The following RAB11FIP5 variants were observed in gnomAD, a reference collection of about 807,000 sequenced individuals.
RAB11FIP5 encodes the protein rab11 family-interacting protein 5.
RAB11FIP5 carries 48 observed loss-of-function variants against 85.1 expected under a neutral mutation model. The observed-to-expected ratio is 0.56, with a 90% CI of 0.45 to 0.72. The LOEUF (loss-of-function observed/expected upper bound fraction) is 0.72, where lower values mean the gene tolerates loss of function less well. Ranked by LOEUF, RAB11FIP5 falls within the 30% of genes least tolerant of loss-of-function variation. The probability of loss-of-function intolerance (pLI) is 0.00; values close to 1 mark genes in which losing one functional copy is unlikely to be tolerated. For missense variants in RAB11FIP5, 1,491 were observed against 1,687.0 expected, an observed-to-expected ratio of 0.88 and a Z score of 2.04; for synonymous variants, 729 against 727.3, an observed-to-expected ratio of 1.00 and a Z score of -0.04.
intron 1 of RAB11FIP5, among the ~76,000 whole-genome samples, chr2:73,103,826 C>T (rs1430351): frequency 0.32 from 47,958 of 152,000 alleles, 8,971 homozygotes; most frequent in East Asian, 0.56. Flanking sequence ...GGAGAGAACC[C>T]GCAAGATGAC....
chr2:73,104,922 C>G (rs1684494817), intron 1 of RAB11FIP5, among the ~76,000 whole-genome samples: 1 of 152,182 alleles, frequency 6.6e-6, no homozygotes, highest in African/African-American at 2.4e-5. Flanking sequence ...GGAGAAAGGG[C>G]TATCCACTTT....
At chr2:73,111,157 C>G (rs1216523539) in intron 1 of RAB11FIP5, among the ~76,000 whole-genome samples, 1 of 152,062 alleles carries the variant, frequency 6.6e-6, no homozygotes, top group Non-Finnish European at 1.5e-5. Flanking sequence ...TGCACTAACG[C>G]CCTCCCCATC....
chr2:73,112,209 CA>C lies in RAB11FIP5; in HGVS notation c.431+137del. Reference sequence around the variant, plus strand: ...AAGACGACCCCGAAATGCGAAGAACCAACGTTTCTGTCGGTTTACGCCCTTA... The same window carrying C: ...AAGACGACCCCGAAATGCGAAGAACCACGTTTCTGTCGGTTTACGCCCTTA... On this transcript the variant is annotated intron_variant, in intron 1 of 5. Coordinates refer to ENST00000486777, the MANE Select transcript of RAB11FIP5 (RefSeq NM_001371272.1). The C allele has an allele frequency of 3.8e-6, 4 of 1,065,732 alleles. No individual in the cohort carries two copies. The South Asian group carries it at 7.7e-5, about 20-fold the overall frequency. 66.0% of individuals were successfully genotyped at this position (1,065,732 alleles called of 1,614,324 possible). A position where few individuals can be genotyped will look rare whatever the true frequency, so the allele number is the denominator to read the frequency against.
intron 1 of RAB11FIP5, among the ~76,000 whole-genome samples, chr2:73,102,744 A>G (rs1430350): frequency 0.32 from 48,440 of 152,016 alleles, 9,200 homozygotes; most frequent in East Asian, 0.56. Flanking sequence ...GGCAGGGCTC[A>G]GCTTTTGTCT....
At position 73,089,312 on chromosome 2, in the gene RAB11FIP5, C is replaced by A. The variant is rs1296944043; in HGVS notation, c.435G>T (p.Trp145Cys). The A allele has an allele frequency of 6.2e-7, 1 of 1,613,214 alleles. No individual in the cohort carries two copies. The highest frequency in any genetic ancestry group is 1.3e-5 in the African/African-American group (1 of 74,868). The change falls in exon 2 of 6, where the codon TGG (tryptophan) becomes TGT (cysteine). Residue 145 changes from tryptophan (W) to cysteine (C), a missense_variant. This residue lies in a region of RAB11FIP5 where 1,211 missense variants were observed against 1,338.0 expected (regional missense o/e 0.91). Coordinates refer to ENST00000486777, the MANE Select transcript of RAB11FIP5 (RefSeq NM_001371272.1). The surrounding 1 kb of genome is among the most constrained non-coding windows in gnomAD (Gnocchi z 4.6). The part of the protein sequence containing the change: ...FGAGRAQHTQ[W>C]YKLHSKPGKK... Reference sequence around the variant, plus strand: ...TGCCTGGCTTGGAGTGCAGCTTGTACCACCTGTGAGAAGAGGGGAGCAGGC... The same window carrying A: ...TGCCTGGCTTGGAGTGCAGCTTGTAACACCTGTGAGAAGAGGGGAGCAGGC...
intron 1 of RAB11FIP5, among the ~76,000 whole-genome samples, chr2:73,107,248 CA>C (rs1684546273): frequency 6.6e-6 from 1 of 152,260 alleles, no homozygotes; most frequent in African/African-American, 2.4e-5. Context: ...TCCCCTGGAG[CA>C]GAGCCACAAC....
At chr2:73,083,580 C>T (rs899137022) in intron 3 of RAB11FIP5, among the ~76,000 whole-genome samples, 2 of 152,148 alleles carry the variant, frequency 1.3e-5, no homozygotes, top group South Asian at 4.1e-4. Context: ...CCACTACTAC[C>T]CTGCTTCTAT....
chr2:73,084,744 C>G (rs1684061287), intron 3 of RAB11FIP5, among the ~76,000 whole-genome samples: 1 of 152,222 alleles, frequency 6.6e-6, no homozygotes, highest in South Asian at 2.1e-4. Context: ...GCTCTGTGTC[C>G]TTGTTATTTC....
At chr2:73,090,580 G>C (rs1684189802) in intron 1 of RAB11FIP5, among the ~76,000 whole-genome samples, 1 of 152,120 alleles carries the variant, frequency 6.6e-6, no homozygotes, top group Non-Finnish European at 1.5e-5. Context: ...AAAATAAATA[G>C]GCTATCAAGC....
rs1174661949 is a variant in RAB11FIP5 at position 73,088,426 on chromosome 2, C to G, written c.1192G>C (p.Glu398Gln). Residue 398 changes from glutamate to glutamine, a missense_variant, in exon 3 of 6, where the codon GAG becomes CAG. Glu to Gln is a conservative substitution (Grantham distance 29). Coordinates refer to ENST00000486777, the MANE Select transcript of RAB11FIP5 (RefSeq NM_001371272.1). ...AGCTCCTCCTGTCCAAGCACTGCCT[C>G]TGAGCTGCTGTTGCTACGACTGCCT... ...PRGSRSNSSS[E>Q]AVLGQEELSA... is the part of the protein sequence containing the mutation. The G allele has an allele frequency of 6.2e-7, 1 of 1,613,960 alleles. No homozygotes were observed. The highest frequency in any genetic ancestry group is 8.5e-7 in the Non-Finnish European group (1 of 1,180,032).
chr2:73,080,646 C>T lies in RAB11FIP5; in HGVS notation c.2586G>A (p.Val862=), dbSNP rs1229064997. 8 of 1,232,272 alleles carry T rather than the reference C, an allele frequency of 6.5e-6. 1 individual carries two copies. The highest frequency in any genetic ancestry group is 3.1e-4 in the Middle Eastern group (1 of 3,232). 76.3% of individuals were successfully genotyped at this position (1,232,272 alleles called of 1,614,324 possible). Residue 862 remains valine (V), a synonymous_variant, in exon 4 of 6, where the codon GTG becomes GTA. Coordinates refer to ENST00000486777, the MANE Select transcript of RAB11FIP5 (RefSeq NM_001371272.1). The part of the protein sequence containing the change: ...RGESDEPAPQ[V]QPESPETVSP... ...TCACAGTTTCTGGTGATTCAGGCTGCACCTGGGGAGCAGGCTCATCAGACT... is the reference window on the plus strand; with the variant it reads ...TCACAGTTTCTGGTGATTCAGGCTGTACCTGGGGAGCAGGCTCATCAGACT...
intron 1 of RAB11FIP5, among the ~76,000 whole-genome samples, chr2:73,098,149 T>C (rs1684359140): frequency 6.6e-6 from 1 of 152,176 alleles, no homozygotes; most frequent in African/African-American, 2.4e-5. Context: ...CTCATATCTA[T>C]GCCTGTTTCC....
intron 4 of RAB11FIP5, 69 bp downstream of exon 4, chr2:73,079,574 CCCCTCAGT>C: frequency 8.1e-7 from 1 of 1,229,518 alleles, no homozygotes; most frequent in African/African-American, 1.6e-5. Flanking sequence ...GGAGTGTGAA[CCCCTCAGT>C]CCCTTGGGCT....
intron 1 of RAB11FIP5, among the ~76,000 whole-genome samples, chr2:73,096,507 T>C (rs1440294359): frequency 2.0e-5 from 3 of 152,240 alleles, no homozygotes; most frequent in East Asian, 3.9e-4. Context: ...CAAATAACAA[T>C]GCCCCTTTCT....
chr2:73,079,860 T>C lies in RAB11FIP5; in HGVS notation c.3372A>G (p.Pro1124=). 2 of 1,231,916 alleles carry C rather than the reference T, an allele frequency of 1.6e-6. No homozygotes were observed. The highest frequency in any genetic ancestry group is 2.0e-6 in the Non-Finnish European group (2 of 988,052). 76.3% of individuals were successfully genotyped at this position (1,231,916 alleles called of 1,614,324 possible). The change falls in exon 4 of 6, where the codon CCA becomes CCG. Residue 1124 remains proline (P), a synonymous_variant. Transcript: ENST00000486777. ...GCCAGGCTTCAGACAGGGGAGAGCA[T>C]GGAGGGCTGGGCCCCCCACGGTGGT... ...ASHHRGGPSP[P]CSPLSEAWPL...
chr2:73,094,843 T>C (rs727470), intron 1 of RAB11FIP5, among the ~76,000 whole-genome samples: 48,733 of 151,768 alleles, frequency 0.32, 9,363 homozygotes, highest in East Asian at 0.55. Flanking sequence ...AGGGGGTAAG[T>C]TACCAAAGGA....
chr2:73,098,539 A>G (rs767954668), intron 1 of RAB11FIP5, among the ~76,000 whole-genome samples: 3 of 152,302 alleles, frequency 2.0e-5, no homozygotes, highest in South Asian at 4.1e-4. Context: ...GGAGACGTGC[A>G]CTGGGTCCAG....
At chr2:73,111,683 C>G (rs1558525691) in intron 1 of RAB11FIP5, among the ~76,000 whole-genome samples, 1 of 152,208 alleles carries the variant, frequency 6.6e-6, no homozygotes, top group South Asian at 2.1e-4. Context: ...AGGCAGGCCA[C>G]TGGAAGGCTG....
chr2:73,074,133 T>C lies in RAB11FIP5; in HGVS notation c.*1388A>G, dbSNP rs148538881. 4 of 152,344 alleles carry C rather than the reference T, an allele frequency of 2.6e-5. No individual in the cohort carries two copies. Among genetic ancestry groups the C allele is most frequent in the African/African-American group, 9.6e-5 (4 of 41,572 alleles). The allele number at this position is 152,344 out of a possible 1,614,324, so 9.4% of individuals were successfully genotyped here. A position where few individuals can be genotyped will look rare whatever the true frequency, so the allele number is the denominator to read the frequency against. On this transcript the variant is annotated 3_prime_UTR_variant, in exon 6 of 6. Transcript: ENST00000486777. ...AAAGGACAGATACTTCATTTCAAAG[T>C]GCACTGCAGCCAAGCCAGGCAAGCC...
Sources: allele counts gnomAD v4.1 joint callset (sites outside exome capture counted in the v4.1 genomes callset), GRCh38; gene constraint gnomAD v4.1.1; regional missense constraint gnomAD v4.1.1; non-coding constraint Gnocchi (gnomAD v3.1); transcripts MANE v1.5; gene names NCBI Gene and HGNC (gene_info 2026-07-23, HGNC 2026-07-21).